Variants in THSD7A observed in about 807,000 individuals in gnomAD.
THSD7A encodes the protein thrombospondin type 1 domain containing 7A, also known as thrombospondin type-1 domain-containing protein 7A.
A neutral mutation model predicts 231.3 loss-of-function variants in THSD7A; 96 were observed. The ratio of observed to expected loss-of-function variants is 0.41; its 90% confidence interval spans 0.35 to 0.49. The LOEUF (loss-of-function observed/expected upper bound fraction) is 0.49, where lower values mean the gene tolerates loss of function less well. Among genes scored for constraint, THSD7A ranks in the 20% least tolerant of loss-of-function variants. The pLI is 0.05. For missense variants in THSD7A, 2,290 were observed against 2,070.2 expected, an observed-to-expected ratio of 1.11 and a Z score of -2.06; for synonymous variants, 940 against 743.3, an observed-to-expected ratio of 1.26 and a Z score of -4.30.
chr7:11,757,653 G>A (rs1293288014), intron 1 of THSD7A, among the ~76,000 whole-genome samples: 3 of 151,714 alleles, frequency 2.0e-5, no homozygotes, highest in Non-Finnish European at 4.4e-5. Context: ...TGATATTAGA[G>A]GTATTTAAGA....
chr7:11,643,652 C>T (rs1782173696), intron 1 of THSD7A, among the ~76,000 whole-genome samples: 1 of 151,586 alleles, frequency 6.6e-6, no homozygotes, highest in African/African-American at 2.4e-5. Flanking sequence ...GTTATTTAAT[C>T]TCCTTTGTTC....
At chr7:11,532,477 G>C (rs997720956) in intron 6 of THSD7A, among the ~76,000 whole-genome samples, 6 of 152,152 alleles carry the variant, frequency 3.9e-5, no homozygotes, top group African/African-American at 1.4e-4. Context: ...GTGAAGGATA[G>C]AGACAGATAT....
intron 16 of THSD7A, among the ~76,000 whole-genome samples, chr7:11,422,314 T>G (rs896850579): frequency 1.3e-5 from 2 of 152,170 alleles, no homozygotes; most frequent in Non-Finnish European, 2.9e-5. Context: ...TGTAATTGAA[T>G]AAATTTAAAC....
intron 5 of THSD7A, among the ~76,000 whole-genome samples, chr7:11,542,421 G>A (rs553945949): frequency 3.6e-4 from 55 of 152,254 alleles, no homozygotes; most frequent in African/African-American, 1.3e-3. Context: ...GAAAACCATT[G>A]CATTTATTCT....
chr7:11,389,906 A>G (rs1036377170), intron 23 of THSD7A, among the ~76,000 whole-genome samples: 1 of 152,192 alleles, frequency 6.6e-6, no homozygotes, highest in Non-Finnish European at 1.5e-5. Context: ...TTCTGGCTTG[A>G]AAATTCTTTT....
At position 11,374,510 on chromosome 7, in the gene THSD7A, C is replaced by G. The variant is rs1265576963; in HGVS notation, c.*1284G>C. On this transcript the variant is annotated 3_prime_UTR_variant, in exon 28 of 28. Transcript: ENST00000423059. Reference sequence around the variant, plus strand: ...GACATTCAATCTGAAACTGGGAAATCAGAGAGAAAGAAAAATCAACATATA... The same window carrying G: ...GACATTCAATCTGAAACTGGGAAATGAGAGAGAAAGAAAAATCAACATATA... The G allele has an allele frequency of 2.0e-5, 3 of 151,948 alleles. No homozygotes were observed. Among genetic ancestry groups the G allele is most frequent in the Non-Finnish European group, 4.4e-5 (3 of 67,962 alleles). The allele number at this position is 151,948 out of a possible 1,614,324, so 9.4% of individuals were successfully genotyped here. A position where few individuals can be genotyped will look rare whatever the true frequency, so the allele number is the denominator to read the frequency against.
At chr7:11,435,194 G>A (rs774659872) in intron 13 of THSD7A, among the ~76,000 whole-genome samples, 1 of 151,986 alleles carries the variant, frequency 6.6e-6, no homozygotes, top group African/African-American at 2.4e-5. Flanking sequence ...TGATATCTAT[G>A]TACAAGTTCA....
chr7:11,572,951 T>C (rs1790711569), intron 4 of THSD7A, among the ~76,000 whole-genome samples: 3 of 152,198 alleles, frequency 2.0e-5, no homozygotes, highest in Admixed American at 6.5e-5. Flanking sequence ...ACCTCGATTA[T>C]GTCATCTTCC....
In THSD7A at chr7:11,372,711, C is replaced by T. The variant is rs1013768055; in HGVS notation, c.*3083G>A. ...ATTCTAGGGAACAGCAGTTCTACAT[C>T]TTTTACCCCCTCGGTGAGGTAAAAG... On this transcript the variant is annotated 3_prime_UTR_variant, in exon 28 of 28. Coordinates refer to ENST00000423059, the MANE Select transcript of THSD7A (RefSeq NM_015204.3). The T allele has an allele frequency of 5.3e-5, 8 of 152,020 alleles. No homozygotes were observed. Among genetic ancestry groups the T allele is most frequent in the African/African-American group, 1.9e-4 (8 of 41,410 alleles). 9.4% of individuals were successfully genotyped at this position (152,020 alleles called of 1,614,324 possible).
rs1295185938 is a variant in THSD7A, at chr7:11,444,816, ATATATATAAT to A, written c.3064+1235_3064+1244del. On this transcript the variant is annotated intron_variant, in intron 13 of 27. Transcript: ENST00000423059. The surrounding 1 kb of genome is among the most constrained non-coding windows in gnomAD (Gnocchi z 4.2). ...GTGTGTGTGTGTGTGTGTATAAACT[ATATATATAAT>A]TAAACTATATATATAATTAAACTAT... 2.3e-4 allele frequency among the ~76,000 whole-genome samples: 34 copies of A among 147,856 alleles called. No individual in the cohort carries two copies. The highest frequency in any genetic ancestry group is 2.1e-3 in the South Asian group (10 of 4,752).
At chr7:11,459,196 C>T (rs919450310) in intron 11 of THSD7A, among the ~76,000 whole-genome samples, 1 of 151,620 alleles carries the variant, frequency 6.6e-6, no homozygotes, top group Non-Finnish European at 1.5e-5. Flanking sequence ...GGTCCAAACC[C>T]CTCTTTTTTT....
In THSD7A at chr7:11,584,466, G is replaced by A. The variant is rs139738031; in HGVS notation, c.1453+5994C>T. On this transcript the variant is annotated intron_variant, in intron 4 of 27. Coordinates refer to ENST00000423059, the MANE Select transcript of THSD7A (RefSeq NM_015204.3). The stretch of plus-strand genomic sequence containing the variant: ...TCCCCAAACAATATATTCCAAGTGT[G>A]TGAATCTTGACTAGGTGTTATATAA... Among the ~76,000 whole-genome samples, 187 of 152,172 alleles carry A rather than the reference G, an allele frequency of 1.2e-3. 3 individuals are homozygous for A. In the South Asian group the frequency reaches 0.027, roughly 22 times the overall value.
chr7:11,734,773 T>A (rs1781851341), intron 1 of THSD7A, among the ~76,000 whole-genome samples: 1 of 151,954 alleles, frequency 6.6e-6, no homozygotes, highest in African/African-American at 2.4e-5. Context: ...ATACAAGGCA[T>A]AACACAGTGC....
At chr7:11,396,461 G>T (rs569548649) in intron 23 of THSD7A, among the ~76,000 whole-genome samples, 1 of 152,078 alleles carries the variant, frequency 6.6e-6, no homozygotes, top group African/African-American at 2.4e-5. Flanking sequence ...TATCATCACC[G>T]ATCCCACAGA....
At chr7:11,593,915 GTGTCAAATTGAT>G (rs1236675888) in intron 2 of THSD7A, among the ~76,000 whole-genome samples, 1 of 152,156 alleles carries the variant, frequency 6.6e-6, no homozygotes, top group Non-Finnish European at 1.5e-5. Flanking sequence ...TTAATACTGA[GTGTCAAATTGAT>G]TGGATTGAAG....
intron 1 of THSD7A, among the ~76,000 whole-genome samples, chr7:11,651,660 C>G (rs1030640232): frequency 1.3e-5 from 2 of 151,858 alleles, no homozygotes; most frequent in African/African-American, 4.8e-5. Flanking sequence ...CCTTGGGGAA[C>G]TTTTAAACCC....
In THSD7A at chr7:11,429,023, T is replaced by C. The variant is rs1784403773; in HGVS notation, c.3167A>G (p.Lys1056Arg). The change falls in exon 14 of 28, where the codon AAG becomes AGG. Residue 1056 changes from lysine (K) to arginine (R), a missense_variant. Lys to Arg is a conservative substitution (Grantham distance 26, BLOSUM62 2). Transcript: ENST00000423059. Reference protein sequence around the residue: ...RCSKSCGSGVKVRSKWLREKP... With the variant: ...RCSKSCGSGVRVRSKWLREKP... ...TTCACGCAGCCATTTAGAACGAACCTTCACACCACTCCCACAGGACTTGCT... is the reference window on the plus strand; with the variant it reads ...TTCACGCAGCCATTTAGAACGAACCCTCACACCACTCCCACAGGACTTGCT... 1.9e-6 allele frequency: 3 copies of C among 1,613,276 alleles called. No individual in the cohort carries two copies. The highest frequency in any genetic ancestry group is 2.5e-6 in the Non-Finnish European group (3 of 1,179,598).
At chr7:11,433,413 A>G (rs79037741) in intron 13 of THSD7A, among the ~76,000 whole-genome samples, 6,245 of 152,024 alleles carry the variant, frequency 0.041, 447 homozygotes, top group African/African-American at 0.14. Flanking sequence ...AGTTTAATAA[A>G]TACAATCAAA....
intron 2 of THSD7A, among the ~76,000 whole-genome samples, chr7:11,628,337 C>T (rs574712298): frequency 2.0e-5 from 3 of 152,290 alleles, no homozygotes; most frequent in Admixed American, 1.3e-4. Flanking sequence ...AAACAACCTA[C>T]AGAAACAGTA....
Sources: allele counts gnomAD v4.1 joint callset (sites outside exome capture counted in the v4.1 genomes callset), GRCh38; gene constraint gnomAD v4.1.1; non-coding constraint Gnocchi (gnomAD v3.1); transcripts MANE v1.5; gene names NCBI Gene and HGNC (gene_info 2026-07-23, HGNC 2026-07-21).